PHACTR3: variants seen among roughly 807,000 people sequenced by gnomAD.
PHACTR3 encodes the protein phosphatase and actin regulator 3.
In PHACTR3, 16 loss-of-function variants were observed where a neutral mutation model predicts 66.8. That is an observed-to-expected ratio of 0.24 (90% CI 0.16 to 0.36). The LOEUF (loss-of-function observed/expected upper bound fraction) is 0.36. Among genes scored for constraint, PHACTR3 ranks in the 10% least tolerant of loss-of-function variants. PHACTR3 has a pLI of 1.00. For synonymous variants in PHACTR3, 323 were observed against 292.1 expected (o/e 1.11, Z -1.08); for missense variants, 647 against 719.9 (o/e 0.90, Z 1.16).
intron 1 of PHACTR3, among the ~76,000 whole-genome samples, chr20:59,631,451 G>A (rs73301458): frequency 0.011 from 1,669 of 152,202 alleles, 37 homozygotes; most frequent in African/African-American, 0.038. Flanking sequence ...TTTGTTTGCA[G>A]TGACAGTTTT....
intron 1 of PHACTR3, among the ~76,000 whole-genome samples, chr20:59,643,336 T>C (rs944895675): frequency 2.0e-5 from 3 of 152,200 alleles, no homozygotes; most frequent in Non-Finnish European, 2.9e-5. Flanking sequence ...TTCCCATTTG[T>C]AGGAACTACT....
intron 7 of PHACTR3, among the ~76,000 whole-genome samples, chr20:59,801,393 G>T (rs998255204): frequency 6.6e-6 from 1 of 152,248 alleles, no homozygotes; most frequent in African/African-American, 2.4e-5. Context: ...TGAGGTTTGA[G>T]TGAGGAAGAC....
intron 1 of PHACTR3, among the ~76,000 whole-genome samples, chr20:59,720,486 G>A (rs1264252658): frequency 6.6e-6 from 1 of 152,178 alleles, no homozygotes; most frequent in Non-Finnish European, 1.5e-5. Context: ...CAGAGACCAT[G>A]GTGCTGATGG....
intron 1 of PHACTR3, among the ~76,000 whole-genome samples, chr20:59,709,855 C>T (rs778330577): frequency 3.3e-5 from 5 of 151,998 alleles, no homozygotes; most frequent in Admixed American, 1.3e-4. Flanking sequence ...GTCAGAGTCT[C>T]GGTGCCTTCC....
chr20:59,720,444 T>C (rs530255249), intron 1 of PHACTR3, among the ~76,000 whole-genome samples: 1 of 151,840 alleles, frequency 6.6e-6, no homozygotes, highest in African/African-American at 2.4e-5. Context: ...TTGCTGGGGG[T>C]AGTCCAGTAA....
chr20:59,580,274 A>G (rs554631870), intron 1 of PHACTR3, among the ~76,000 whole-genome samples: 2 of 152,282 alleles, frequency 1.3e-5, no homozygotes, highest in South Asian at 4.2e-4. Flanking sequence ...CTGTGTGCCC[A>G]CAACTCTTTG....
chr20:59,792,599 T>C (rs991574583), intron 7 of PHACTR3, among the ~76,000 whole-genome samples: 1 of 152,266 alleles, frequency 6.6e-6, no homozygotes, highest in Non-Finnish European at 1.5e-5. Flanking sequence ...TAGAATTTAA[T>C]TTTTAATTCT....
At chr20:59,817,356 C>T (rs2041916182) in intron 8 of PHACTR3, among the ~76,000 whole-genome samples, 1 of 152,236 alleles carries the variant, frequency 6.6e-6, no homozygotes, top group African/African-American at 2.4e-5. Flanking sequence ...TTCTGAGCTG[C>T]AGGTCCTTAG....
intron 1 of PHACTR3, among the ~76,000 whole-genome samples, chr20:59,741,952 G>A (rs369252658): frequency 9.9e-5 from 15 of 152,084 alleles, no homozygotes; most frequent in Non-Finnish European, 1.5e-4. Context: ...TAGTAGAGAC[G>A]GGATTTCACC....
chr20:59,659,739 G>A (rs189273352), intron 1 of PHACTR3, among the ~76,000 whole-genome samples: 5 of 152,192 alleles, frequency 3.3e-5, no homozygotes, highest in Non-Finnish European at 5.9e-5. Context: ...TAGAGGGAAG[G>A]GTCAGGATTT....
upstream of PHACTR3, among the ~76,000 whole-genome samples, chr20:59,600,112 A>T (rs2033431235): frequency 6.6e-6 from 1 of 151,900 alleles, no homozygotes; most frequent in Middle Eastern, 3.4e-3. Context: ...TGCTGCTCCC[A>T]CCTCATGGTC....
chr20:59,837,252 C>T (rs1273234446), intron 9 of PHACTR3, among the ~76,000 whole-genome samples: 1 of 152,200 alleles, frequency 6.6e-6, no homozygotes, highest in Non-Finnish European at 1.5e-5. Context: ...ACATTTTCCA[C>T]AGAAAGTGTC....
At chr20:59,753,853 G>T (rs1193271456) in intron 3 of PHACTR3, among the ~76,000 whole-genome samples, 1 of 152,224 alleles carries the variant, frequency 6.6e-6, no homozygotes, top group Middle Eastern at 3.2e-3. Context: ...GAAGGACACA[G>T]GGATGGCAGG....
rs533406608 is a variant in PHACTR3 at position 59,639,269 on chromosome 20, A to G, written c.118+34137A>G. Among the ~76,000 whole-genome samples the G allele has an allele frequency of 3.3e-5, 5 of 152,292 alleles. No homozygotes were observed. The South Asian group carries it at 1.0e-3, about 32-fold the overall frequency. On this transcript the variant is annotated intron_variant, in intron 1 of 12. Coordinates refer to ENST00000371015, the MANE Select transcript of PHACTR3 (RefSeq NM_080672.5). Reference sequence around the variant, plus strand: ...AGTCATTTGAAGAGGAAACAAAGACATAGTATTTGAGGGGGGAATTATCTG... The same window carrying G: ...AGTCATTTGAAGAGGAAACAAAGACGTAGTATTTGAGGGGGGAATTATCTG...
At chr20:59,740,317 T>A (rs2039107827) in intron 1 of PHACTR3, among the ~76,000 whole-genome samples, 1 of 118,982 alleles carries the variant, frequency 8.4e-6, no homozygotes, top group Non-Finnish European at 1.7e-5. Flanking sequence ...TCATTTTAAT[T>A]TTTTTTTAGA....
At chr20:59,637,350 A>G (rs1011612785) in intron 1 of PHACTR3, among the ~76,000 whole-genome samples, 4 of 152,170 alleles carry the variant, frequency 2.6e-5, no homozygotes, top group Non-Finnish European at 5.9e-5. Context: ...GCTGTAGGTT[A>G]AAGAAATCAC....
At position 59,829,514 on chromosome 20, in the gene PHACTR3, C is replaced by T. The variant is rs578150376; in HGVS notation, c.1329-6991C>T. Among the ~76,000 whole-genome samples, 22 of 152,358 alleles carry T rather than the reference C, an allele frequency of 1.4e-4. No individual in the cohort carries two copies. Among genetic ancestry groups the T allele is most frequent in the African/African-American group, 4.3e-4 (18 of 41,590 alleles). On this transcript the variant is annotated intron_variant, in intron 8 of 12. Coordinates refer to ENST00000371015, the MANE Select transcript of PHACTR3 (RefSeq NM_080672.5). This position sits in a 1 kb window ranked among gnomAD's most constrained non-coding sequence, Gnocchi z 4.2. ...ATCCGTGCACCCAGATGGTGTGCGC[C>T]TGGGGGCAAGCAGACGAGACATCTG...
intron 1 of PHACTR3, among the ~76,000 whole-genome samples, chr20:59,710,759 A>C (rs2037884879): frequency 1.1e-5 from 1 of 88,780 alleles, no homozygotes; most frequent in African/African-American, 4.9e-5. Context: ...CACCTCTCTT[A>C]CCATGGCTTT....
At chr20:59,750,918 C>T (rs926146514) in intron 3 of PHACTR3, among the ~76,000 whole-genome samples, 4 of 152,226 alleles carry the variant, frequency 2.6e-5, no homozygotes, top group Admixed American at 6.5e-5. Flanking sequence ...CCGCAGTTTC[C>T]GTCCTGCACT....
Sources: allele counts gnomAD v4.1 joint callset (sites outside exome capture counted in the v4.1 genomes callset), GRCh38; gene constraint gnomAD v4.1.1; non-coding constraint Gnocchi (gnomAD v3.1); transcripts MANE v1.5; gene names NCBI Gene and HGNC (gene_info 2026-07-23, HGNC 2026-07-21).